Variants in CDH3 observed in about 807,000 individuals in gnomAD.
CDH3 encodes cadherin-3.
A neutral mutation model predicts 82.0 loss-of-function variants in CDH3; 54 were observed. The ratio of observed to expected loss-of-function variants is 0.66; its 90% CI spans 0.53 to 0.83. CDH3 has a LOEUF of 0.83. Ranked by LOEUF, CDH3 falls within the 40% of genes least tolerant of loss-of-function variation. The pLI, the probability that CDH3 is intolerant of heterozygous loss-of-function variation, is 0.00. For missense variants in CDH3, 1,054 were observed against 1,084.6 expected, an observed-to-expected ratio of 0.97 and a Z score of 0.40; for synonymous variants, 446 against 437.9, an observed-to-expected ratio of 1.02 and a Z score of -0.23.
In CDH3 at chr16:68,683,578, G is replaced by A. The variant is rs542148855; in HGVS notation, c.1183-1005G>A. ...GAGGCAGGAGAATGGCGTGAACCCG[G>A]GAGGTGGAGCTTGCAGTGAGCCGAG... On this transcript the variant is annotated intron_variant, in intron 9 of 15. Transcript: ENST00000264012. 5.0e-3 allele frequency among the ~76,000 whole-genome samples: 754 copies of A among 149,460 alleles called. 9 individuals are homozygous for A. The highest frequency in any genetic ancestry group is 0.018 in the African/African-American group (717 of 40,396).
chr16:68,713,282 C>A (rs1411428732), intron 1 of CDH3, among the ~76,000 whole-genome samples: 1 of 152,012 alleles, frequency 6.6e-6, no homozygotes, highest in African/African-American at 2.4e-5. Context: ...TTCAGTTGAC[C>A]CTCAATAAAG....
intron 2 of CDH3, among the ~76,000 whole-genome samples, chr16:68,726,769 C>T (rs571888610): frequency 5.3e-5 from 8 of 152,032 alleles, no homozygotes; most frequent in South Asian, 4.2e-4. Flanking sequence ...TTAGTAGAGA[C>T]GGGGTATCAC....
intron 2 of CDH3, among the ~76,000 whole-genome samples, chr16:68,658,260 T>C (rs527794294): frequency 6.6e-5 from 10 of 152,160 alleles, no homozygotes; most frequent in African/African-American, 2.4e-4. Flanking sequence ...CTTGGGTCCA[T>C]TTGGAAATTC....
chr16:68,685,107 C>T (rs926842275), intron 10 of CDH3, 98 bp from the exon 11 acceptor site: 3 of 1,411,606 alleles, frequency 2.1e-6, no homozygotes, highest in Non-Finnish European at 3.0e-6. Context: ...TGCTTAGGAG[C>T]CCAGAGGCCA....
At chr16:68,671,015 G>A (rs552476955) in intron 2 of CDH3, among the ~76,000 whole-genome samples, 1 of 152,266 alleles carries the variant, frequency 6.6e-6, no homozygotes, top group East Asian at 1.9e-4. Context: ...GGAGGTTGCA[G>A]TAAGCTGAGA....
chr16:68,675,807 AG>A (rs1204070159), intron 2 of CDH3, among the ~76,000 whole-genome samples: 3 of 151,688 alleles, frequency 2.0e-5, no homozygotes, highest in African/African-American at 7.3e-5. Flanking sequence ...AAAAAAAAAA[AG>A]AAAAGAAAAA....
At chr16:68,654,117 T>A (rs1960332462) in intron 2 of CDH3, among the ~76,000 whole-genome samples, 1 of 149,786 alleles carries the variant, frequency 6.7e-6, no homozygotes, top group Non-Finnish European at 1.5e-5. Flanking sequence ...TAGGGTGCAG[T>A]GGCACAATCT....
At chr16:68,681,440 G>A (rs555029680) in intron 8 of CDH3, among the ~76,000 whole-genome samples, 1 of 152,300 alleles carries the variant, frequency 6.6e-6, no homozygotes, top group African/African-American at 2.4e-5. Context: ...GTGAATGCTT[G>A]TGTACCTCCA....
intron 11 of CDH3, chr16:68,686,747 C>CCTT (rs1961423570): frequency 5.9e-6 from 4 of 680,822 alleles, no homozygotes; most frequent in Non-Finnish European, 8.0e-6. Context: ...AGTTCTGAAA[C>CCTT]CTTTCATCAT....
In CDH3 at chr16:68,712,105, C is replaced by A. The variant is rs372649889; in HGVS notation, c.100-10320C>A. ...CAGGCTGACGTGCAGTGGCACAATCCCAGCTCACTGCAGCCTCAACCCCCC... is the reference window on the plus strand; with the variant it reads ...CAGGCTGACGTGCAGTGGCACAATCACAGCTCACTGCAGCCTCAACCCCCC... On this transcript the variant is annotated intron_variant, in intron 1 of 2. Transcript: ENST00000569080. Among the ~76,000 whole-genome samples the A allele has an allele frequency of 3.6e-3, 502 of 140,404 alleles. 6 individuals are homozygous for A. The highest frequency in any genetic ancestry group is 0.013 in the African/African-American group (478 of 37,832). The allele number at this position is 140,404 out of a possible 152,430, so 92.1% of individuals were successfully genotyped here.
chr16:68,651,653 G>A (rs1018130760), intron 2 of CDH3: 17 of 508,816 alleles, frequency 3.3e-5, no homozygotes, highest in Non-Finnish European at 5.5e-5. Flanking sequence ...GGTCCATGGG[G>A]TTCATGCCAT....
At chr16:68,723,193 A>G (rs960544857) in intron 2 of CDH3, among the ~76,000 whole-genome samples, 7 of 152,072 alleles carry the variant, frequency 4.6e-5, no homozygotes, top group Non-Finnish European at 1.0e-4. Context: ...CCAGAGAAGT[A>G]CTTGTTAGAA....
chr16:68,695,372 G>C lies in CDH3; in HGVS notation c.2120G>C (p.Gly707Ala). 6.2e-7 allele frequency: 1 copy of C among 1,612,096 alleles called. No individual in the cohort carries two copies. The highest frequency in any genetic ancestry group is 8.5e-7 in the Non-Finnish European group (1 of 1,179,154). ...TTCTACTATGGCGAAGAGGGGGGTGGCGAAGAGGACCAGGTGGGGCACTGG... is the reference window on the plus strand; with the variant it reads ...TTCTACTATGGCGAAGAGGGGGGTGCCGAAGAGGACCAGGTGGGGCACTGG... ...NVFYYGEEGG[G>A]EEDQDYDITQ... The change falls in exon 14 of 16, where the codon GGC (glycine) becomes GCC (alanine). Residue 707 changes from glycine to alanine, a missense_variant. Coordinates refer to ENST00000264012, the MANE Select transcript of CDH3 (RefSeq NM_001793.6).
In CDH3 at chr16:68,698,476, C is replaced by G. The variant is rs1961816042; in HGVS notation, c.*76C>G. On this transcript the variant is annotated 3_prime_UTR_variant, in exon 16 of 16. Coordinates refer to ENST00000264012, the MANE Select transcript of CDH3 (RefSeq NM_001793.6). The stretch of plus-strand genomic sequence containing the variant: ...CAAGGGGTCTCAGTTCCCCCTTCAG[C>G]TGAGGACTTCGGAGCTTGTCAGGAA... The G allele has an allele frequency of 7.3e-7, 1 of 1,360,624 alleles. No homozygotes were observed. The highest frequency in any genetic ancestry group is 1.4e-5 in the African/African-American group (1 of 69,806). 84.3% of individuals were successfully genotyped at this position (1,360,624 alleles called of 1,614,324 possible). A position where few individuals can be genotyped will look rare whatever the true frequency, so the allele number is the denominator to read the frequency against.
Position 68,679,591 on chromosome 16 carries a change from A to T in CDH3, c.692-208A>T, listed in dbSNP as rs1961146125. On this transcript the variant is annotated intron_variant, in intron 6 of 15. Coordinates refer to ENST00000264012, the MANE Select transcript of CDH3 (RefSeq NM_001793.6). ...GCACTTGTAATCCCAGCCACTCAGG[A>T]GGCTGAGGCAGGAGAATCACTTGAA... Among the ~76,000 whole-genome samples, 3 of 143,374 alleles carry T rather than the reference A, an allele frequency of 2.1e-5. 1 individual carries two copies. Among genetic ancestry groups the T allele is most frequent in the African/African-American group, 7.7e-5 (3 of 39,204 alleles). 94.1% of individuals were successfully genotyped at this position (143,374 alleles called of 152,430 possible).
At position 68,662,816 on chromosome 16, in the gene CDH3, G is replaced by A. The variant is rs921280853; in HGVS notation, c.161-13569G>A. On this transcript the variant is annotated intron_variant, in intron 2 of 15. Transcript: ENST00000264012. ...CTGCCTCAGCCTCCCAAAGTGCTGG[G>A]ATTACAGGTGTGAGCCACCGTTCCC... Among the ~76,000 whole-genome samples the A allele has an allele frequency of 2.0e-5, 3 of 148,690 alleles. No homozygotes were observed. The South Asian group carries it at 6.9e-4, about 34-fold the overall frequency.
chr16:68,701,382 A>G (rs978849130), downstream of CDH3, among the ~76,000 whole-genome samples: 1 of 152,120 alleles, frequency 6.6e-6, no homozygotes, highest in Non-Finnish European at 1.5e-5. Context: ...AAGTAAAAAC[A>G]TTTGCATTGG....
rs527954063 is a variant in CDH3 at position 68,677,218 on chromosome 16, C to G, written c.246+748C>G. On this transcript the variant is annotated intron_variant, in intron 3 of 15. Coordinates refer to ENST00000264012, the MANE Select transcript of CDH3 (RefSeq NM_001793.6). ...TCTACTTAACAGTGTATCAGCACAG[C>G]ACAATGTCTACCCTCTTTCCACAGA... Among the ~76,000 whole-genome samples the G allele has an allele frequency of 2.1e-4, 32 of 152,294 alleles. 1 individual carries two copies. The South Asian group carries it at 3.1e-3, about 15-fold the overall frequency.
intron 2 of CDH3, among the ~76,000 whole-genome samples, chr16:68,661,254 G>C (rs1027192834): frequency 1.3e-5 from 2 of 152,192 alleles, no homozygotes; most frequent in Non-Finnish European, 2.9e-5. Context: ...ATAATGTATA[G>C]AGTGCCTGAA....
Sources: gnomAD v4.1 joint callset for allele counts (sites outside exome capture counted in the v4.1 genomes callset) on GRCh38, gnomAD v4.1.1 for gene constraint, MANE v1.5 for transcripts, NCBI Gene and HGNC (gene_info 2026-07-23, HGNC 2026-07-21) for gene names.